SPMIP8: variants seen among roughly 807,000 people sequenced by gnomAD.
SPMIP8 encodes the protein testicular tissue protein Li 196.
At chr16:57,977,823 C>T in the SPMIP8 span, 262 of 1,612,960 alleles carry the variant, frequency 1.6e-4, no homozygotes, top group Non-Finnish European at 2.0e-4. Context: ...AGCTATGGCC[C>T]GCATCATTGA....
chr16:57,983,706 G>T, the SPMIP8 span, among the ~76,000 whole-genome samples: 1 of 152,116 alleles, frequency 6.6e-6, no homozygotes, highest in African/African-American at 2.4e-5. Context: ...CCACCTCCTG[G>T]ATTCCAGTGA....
the SPMIP8 span, chr16:57,976,662 C>G: frequency 3.7e-6 from 6 of 1,610,602 alleles, no homozygotes; most frequent in Non-Finnish European, 5.1e-6. Context: ...AGCCCTTGCT[C>G]TCTTCCCCAT....
the SPMIP8 span, among the ~76,000 whole-genome samples, chr16:57,983,912 CT>C: frequency 6.6e-6 from 1 of 151,482 alleles, no homozygotes; most frequent in Non-Finnish European, 1.5e-5. Context: ...CGTGCCCAGC[CT>C]TTTTTTTCTT....
At chr16:57,980,614 C>G in the SPMIP8 span, among the ~76,000 whole-genome samples, 1 of 152,180 alleles carries the variant, frequency 6.6e-6, no homozygotes, top group Non-Finnish European at 1.5e-5. Flanking sequence ...TTGCTTATCT[C>G]AAGTCCAGGG....
chr16:57,986,548 G>C, the SPMIP8 span: 1 of 151,954 alleles, frequency 6.6e-6, no homozygotes, highest in East Asian at 1.9e-4. Context: ...GCGCCTAGAT[G>C]GCCCTTCCTC....
the SPMIP8 span, among the ~76,000 whole-genome samples, chr16:57,983,594 GA>G: frequency 1.5e-4 from 23 of 151,596 alleles, no homozygotes; most frequent in Non-Finnish European, 2.5e-4. Flanking sequence ...TTTTATCTTA[GA>G]TTTTTTTTAA....
the SPMIP8 span, chr16:57,985,896 C>A: frequency 1.2e-6 from 2 of 1,611,284 alleles, no homozygotes; most frequent in Non-Finnish European, 8.5e-7. Flanking sequence ...TCACCCGCCC[C>A]GTTCTTTCCC....
chr16:57,981,955 G>A, the SPMIP8 span, among the ~76,000 whole-genome samples: 1 of 152,158 alleles, frequency 6.6e-6, no homozygotes, highest in Non-Finnish European at 1.5e-5. Context: ...TAGCCAAGAG[G>A]GGGGTCCGCT....
At chr16:57,985,540 A>C in the SPMIP8 span, 1 of 1,601,376 alleles carries the variant, frequency 6.2e-7, no homozygotes, top group African/African-American at 1.4e-5. Flanking sequence ...CTGCCTTTCG[A>C]CTCCCTGTAA....
the SPMIP8 span, among the ~76,000 whole-genome samples, chr16:57,982,397 C>A: frequency 6.6e-6 from 1 of 152,210 alleles, no homozygotes; most frequent in Non-Finnish European, 1.5e-5. Context: ...GTTTCCATTG[C>A]CCACCATCAT....
chr16:57,986,186 G>A, the SPMIP8 span: 2 of 444,160 alleles, frequency 4.5e-6, no homozygotes, highest in African/African-American at 2.0e-5. Context: ...TTGACTGGAG[G>A]AGGCCAAAAG....
chr16:57,984,727 C>A, the SPMIP8 span: 1 of 1,603,460 alleles, frequency 6.2e-7, no homozygotes, highest in Non-Finnish European at 8.5e-7. Context: ...GTGGACTGGC[C>A]CTGCTTCACG....
the SPMIP8 span, chr16:57,987,721 C>A: frequency 2.7e-6 from 1 of 365,570 alleles, no homozygotes; most frequent in Non-Finnish European, 4.9e-6. Context: ...GTTTGAGAGT[C>A]AGGGTGTAAG....
chr16:57,980,330 C>T, the SPMIP8 span, among the ~76,000 whole-genome samples: 1 of 152,224 alleles, frequency 6.6e-6, no homozygotes, highest in Non-Finnish European at 1.5e-5. Flanking sequence ...ATGCATGTAA[C>T]ATACAACCCA....
the SPMIP8 span, among the ~76,000 whole-genome samples, chr16:57,981,063 G>A: frequency 6.6e-6 from 1 of 152,156 alleles, no homozygotes; most frequent in East Asian, 1.9e-4. Flanking sequence ...CCCTTGCCTG[G>A]CATGGCCTTA....
chr16:57,981,025 T>C, the SPMIP8 span, among the ~76,000 whole-genome samples: 1 of 152,170 alleles, frequency 6.6e-6, no homozygotes, highest in Admixed American at 6.5e-5. Flanking sequence ...TGTAGTTTAT[T>C]CTTTAAGTGT....
At chr16:57,987,416 C>A in the SPMIP8 span, 3 of 1,597,708 alleles carry the variant, frequency 1.9e-6, no homozygotes, top group East Asian at 6.9e-5. Flanking sequence ...TACCTGACCC[C>A]CTGGCATTAA....
At chr16:57,978,155 A>C in the SPMIP8 span, 1 of 1,241,080 alleles carries the variant, frequency 8.1e-7, no homozygotes, top group African/African-American at 1.5e-5. Context: ...CCTGCCCAGG[A>C]CACTTTGGCC....
chr16:57,984,030 A>C, the SPMIP8 span, among the ~76,000 whole-genome samples: 1 of 151,960 alleles, frequency 6.6e-6, no homozygotes, highest in Non-Finnish European at 1.5e-5. Context: ...TAGCCTCCCG[A>C]GTACCCGGGA....
Sources: gnomAD v4.1 joint callset for allele counts (sites outside exome capture counted in the v4.1 genomes callset) on GRCh38, gnomAD v4.1.1 for gene constraint, MANE v1.5 for transcripts, NCBI Gene and HGNC (gene_info 2026-07-23, HGNC 2026-07-21) for gene names.